KCNIP4: variants seen among roughly 807,000 people sequenced by gnomAD.
KCNIP4 encodes potassium voltage-gated channel interacting protein 4, also known as Kv channel-interacting protein 4.
Under a neutral mutation model 34.0 loss-of-function variants are expected in KCNIP4, and 12 were observed. That is an observed-to-expected ratio of 0.35 (90% confidence interval 0.23 to 0.57). KCNIP4 has a LOEUF of 0.57. Ranked by LOEUF, KCNIP4 falls within the 20% of genes least tolerant of loss-of-function variation. The probability of loss-of-function intolerance (pLI) is 0.83; values close to 1 mark genes in which losing one functional copy is unlikely to be tolerated. For missense variants in KCNIP4, 238 were observed against 311.7 expected (o/e 0.76, Z 1.78); for synonymous variants, 124 against 102.2 (o/e 1.21, Z -1.29).
chr4:20,894,407 G>A (rs73242548), intron 1 of KCNIP4, among the ~76,000 whole-genome samples: 7,501 of 152,220 alleles, frequency 0.049, 208 homozygotes, highest in Middle Eastern at 0.11. Context: ...ACAGTAACTA[G>A]TATATATTCT....
At chr4:21,447,166 T>G (rs886353674) in intron 1 of KCNIP4, among the ~76,000 whole-genome samples, 7 of 152,184 alleles carry the variant, frequency 4.6e-5, no homozygotes, top group African/African-American at 7.2e-5. Context: ...ACTTTTATCT[T>G]TATCTTTAAC....
intron 1 of KCNIP4, among the ~76,000 whole-genome samples, chr4:21,861,053 G>A (rs1725045922): frequency 6.6e-6 from 1 of 152,182 alleles, no homozygotes; most frequent in African/African-American, 2.4e-5. Flanking sequence ...GTTGTCAGAT[G>A]TACATAGATA....
intron 1 of KCNIP4, among the ~76,000 whole-genome samples, chr4:21,379,114 T>C (rs1346265977): frequency 1.3e-5 from 2 of 152,160 alleles, no homozygotes; most frequent in Non-Finnish European, 2.9e-5. Context: ...TGTATTATTA[T>C]GTTACATCTT....
At chr4:21,611,558 C>A (rs554252877) in intron 1 of KCNIP4, among the ~76,000 whole-genome samples, 1 of 152,252 alleles carries the variant, frequency 6.6e-6, no homozygotes, top group South Asian at 2.1e-4. Context: ...AGTGTCGAAT[C>A]TTGGTTTGTT....
At position 21,532,549 on chromosome 4, in the gene KCNIP4, T is replaced by A. The variant is rs373834715; in HGVS notation, c.61+416022A>T. Among the ~76,000 whole-genome samples the A allele has an allele frequency of 1.6e-3, 239 of 152,302 alleles. 10 individuals carry two copies. The South Asian group carries it at 0.043, about 27-fold the overall frequency. On this transcript the variant is annotated intron_variant, in intron 1 of 8. Transcript: ENST00000382152. ...AGGGAAATCTCAGAAATATGAACTG[T>A]AACACCACACATAGCAGCATTCTGG...
At chr4:21,247,621 C>A (rs1381942434) in intron 1 of KCNIP4, among the ~76,000 whole-genome samples, 3 of 130,112 alleles carry the variant, frequency 2.3e-5, no homozygotes, top group Admixed American at 8.3e-5. Context: ...ATATTTATAT[C>A]TATATATTTA....
intron 1 of KCNIP4, among the ~76,000 whole-genome samples, chr4:21,328,143 C>T (rs1715276463): frequency 6.6e-6 from 1 of 151,910 alleles, no homozygotes; most frequent in South Asian, 2.1e-4. Context: ...GGGCATTCAA[C>T]AGTTAGGTAT....
intron 1 of KCNIP4, among the ~76,000 whole-genome samples, chr4:21,721,909 A>G (rs1250080906): frequency 6.6e-6 from 1 of 152,200 alleles, no homozygotes; most frequent in Non-Finnish European, 1.5e-5. Context: ...TTCATAAGAC[A>G]TGACTGTGCA....
chr4:21,847,013 G>A (rs894998729), intron 1 of KCNIP4: 2 of 152,104 alleles, frequency 1.3e-5, no homozygotes, highest in Non-Finnish European at 1.5e-5. Context: ...AGGAACAACA[G>A]ATAAGCACCG....
chr4:21,594,496 T>C (rs1350114072), intron 1 of KCNIP4, among the ~76,000 whole-genome samples: 1 of 152,042 alleles, frequency 6.6e-6, no homozygotes, highest in Non-Finnish European at 1.5e-5. Context: ...GTAGATGATA[T>C]AAGATGTAAA....
At chr4:20,740,650 G>C (rs1750839638) in intron 5 of KCNIP4, among the ~76,000 whole-genome samples, 1 of 152,168 alleles carries the variant, frequency 6.6e-6, no homozygotes, top group Non-Finnish European at 1.5e-5. Flanking sequence ...TCAAGGCTAG[G>C]AAGAAACTGC....
chr4:21,414,045 A>G (rs1724738177), intron 1 of KCNIP4, among the ~76,000 whole-genome samples: 1 of 152,204 alleles, frequency 6.6e-6, no homozygotes, highest in African/African-American at 2.4e-5. Flanking sequence ...ACACAACATT[A>G]ACGAAAAAAT....
At chr4:21,297,484 A>G (rs1763908740) in intron 1 of KCNIP4, among the ~76,000 whole-genome samples, 1 of 152,180 alleles carries the variant, frequency 6.6e-6, no homozygotes, top group Non-Finnish European at 1.5e-5. Flanking sequence ...CTACAATTTG[A>G]ATAAGCATTT....
At chr4:21,382,091 A>T (rs1721562304) in intron 1 of KCNIP4, among the ~76,000 whole-genome samples, 1 of 152,122 alleles carries the variant, frequency 6.6e-6, no homozygotes, top group Non-Finnish European at 1.5e-5. Flanking sequence ...TGTATGCAGG[A>T]TGTGGGAATG....
chr4:20,942,020 G>A (rs1731691796), intron 1 of KCNIP4, among the ~76,000 whole-genome samples: 1 of 152,180 alleles, frequency 6.6e-6, no homozygotes, highest in Non-Finnish European at 1.5e-5. Context: ...CTGGCCCCAC[G>A]GAGGGATTCT....
At position 20,850,624 on chromosome 4, in the gene KCNIP4, C is replaced by T; in HGVS notation, c.207G>A (p.Arg69=). The change falls in exon 3 of 9, where the codon CGG becomes CGA. Residue 69 remains arginine, a synonymous_variant. Transcript: ENST00000382152. ...DELEMATVRH[R]PEALELLEAQ... Reference sequence around the variant, plus strand: ...CTTCCAGAAGCTCAAGGGCTTCAGGCCGATGCCTGACGGTGGCCATCTCCA... The same window carrying T: ...CTTCCAGAAGCTCAAGGGCTTCAGGTCGATGCCTGACGGTGGCCATCTCCA... 6.2e-7 allele frequency: 1 copy of T among 1,612,598 alleles called. No homozygotes were observed. The highest frequency in any genetic ancestry group is 8.5e-7 in the Non-Finnish European group (1 of 1,179,634).
At chr4:21,214,461 A>G (rs150098423) in intron 1 of KCNIP4, among the ~76,000 whole-genome samples, 274 of 152,224 alleles carry the variant, frequency 1.8e-3, no homozygotes, top group Non-Finnish European at 2.9e-3. Flanking sequence ...GAAATTTCCT[A>G]TTTTTACTAC....
intron 1 of KCNIP4, among the ~76,000 whole-genome samples, chr4:21,689,970 T>C (rs1198543589): frequency 6.6e-6 from 1 of 151,960 alleles, no homozygotes; most frequent in Non-Finnish European, 1.5e-5. Context: ...GACATCCTGA[T>C]GTCACTGCTA....
intron 1 of KCNIP4, among the ~76,000 whole-genome samples, chr4:21,235,840 T>C (rs1759317404): frequency 6.6e-6 from 1 of 152,154 alleles, no homozygotes. Context: ...TCCATTATCC[T>C]GGGGCCTCAG....
Sources: allele counts gnomAD v4.1 joint callset (sites outside exome capture counted in the v4.1 genomes callset), GRCh38; gene constraint gnomAD v4.1.1; transcripts MANE v1.5; gene names NCBI Gene and HGNC (gene_info 2026-07-23, HGNC 2026-07-21).